The following FLNB variants were observed in gnomAD, a reference collection of about 807,000 sequenced individuals.
FLNB encodes filamin-B.
Under a neutral mutation model 250.6 loss-of-function variants are expected in FLNB, and 111 were observed. That is an observed-to-expected ratio of 0.44 (90% CI 0.38 to 0.52). FLNB has a LOEUF of 0.52. FLNB is among the 20% of genes least tolerant of loss of function. FLNB has a pLI of 0.00. For synonymous variants in FLNB, 1,302 were observed against 1,372.1 expected, an observed-to-expected ratio of 0.95 and a Z score of 1.13; for missense variants, 2,869 against 3,447.8, an observed-to-expected ratio of 0.83 and a Z score of 4.20.
intron 1 of FLNB, among the ~76,000 whole-genome samples, chr3:58,027,256 G>A (rs2097124743): frequency 6.6e-6 from 1 of 151,882 alleles, no homozygotes. Context: ...AGGTTCAAGG[G>A]ATTCTCCTGC....
intron 28 of FLNB, among the ~76,000 whole-genome samples, chr3:58,137,414 C>T (rs527839179): frequency 5.3e-5 from 8 of 152,340 alleles, no homozygotes; most frequent in Admixed American, 5.2e-4. Flanking sequence ...GCCCTATTTC[C>T]TCCCCCAGCT....
At chr3:58,066,669 G>A (rs1414953935) in intron 1 of FLNB, among the ~76,000 whole-genome samples, 1 of 152,164 alleles carries the variant, frequency 6.6e-6, no homozygotes, top group African/African-American at 2.4e-5. Flanking sequence ...ATTTAGTCCA[G>A]TGTGGCTTTG....
rs2097292186 is a variant in FLNB at position 58,123,347 on chromosome 3, T to C, written c.3381T>C (p.Ile1127=). The C allele has an allele frequency of 2.5e-6, 4 of 1,614,072 alleles. No individual in the cohort carries two copies. The highest frequency in any genetic ancestry group is 3.4e-6 in the Non-Finnish European group (4 of 1,180,018). Residue 1127 remains isoleucine, a synonymous_variant, in exon 21 of 46, where the codon ATT becomes ATC. Transcript: ENST00000295956. ...CTGGGTCTCCCTTCAAAGCTGACAT[T>C]GAAATGCCCTTTGACCCCTCTAAAG... is the stretch of plus-strand genomic sequence containing the variant. ...HIPGSPFKAD[I]EMPFDPSKVV... is the part of the protein sequence containing the mutation.
chr3:58,159,430 C>T (rs1437448884), intron 41 of FLNB, 124 bp from the exon 42 acceptor site: 2 of 963,172 alleles, frequency 2.1e-6, no homozygotes, highest in African/African-American at 1.6e-5. Flanking sequence ...CCTTTGTTGT[C>T]ATATGTTATA....
intron 15 of FLNB, 89 bp from the exon 16 acceptor site, chr3:58,109,921 C>T (rs1001611181): frequency 6.5e-7 from 1 of 1,549,162 alleles, no homozygotes; most frequent in Non-Finnish European, 8.9e-7. Flanking sequence ...TTCCCAATTG[C>T]TTTTTGAGGG....
At chr3:58,066,059 C>T (rs1282932146) in intron 1 of FLNB, among the ~76,000 whole-genome samples, 1 of 152,134 alleles carries the variant, frequency 6.6e-6, no homozygotes, top group Admixed American at 6.5e-5. Flanking sequence ...CTTGAACTGT[C>T]AGTTGTCCAG....
intron 11 of FLNB, 46 bp from the exon 12 acceptor site, chr3:58,106,634 C>G (rs1013779685): frequency 1.5e-5 from 23 of 1,569,282 alleles, no homozygotes; most frequent in Non-Finnish European, 1.9e-5. Flanking sequence ...AGAATAGGTG[C>G]TTTCCACCAT....
At chr3:58,037,573 G>A (rs1259383517) in intron 1 of FLNB, among the ~76,000 whole-genome samples, 7 of 152,006 alleles carry the variant, frequency 4.6e-5, no homozygotes, top group South Asian at 2.1e-4. Flanking sequence ...AAGTCCTCTC[G>A]AAAGCCCCCA....
rs776041549 is a variant in FLNB at position 58,169,751 on chromosome 3, G to A, written c.7579G>A (p.Val2527Met). The A allele has an allele frequency of 1.1e-5, 17 of 1,613,346 alleles. No homozygotes were observed. The highest frequency in any genetic ancestry group is 1.4e-5 in the Non-Finnish European group (17 of 1,179,518). Residue 2527 changes from valine (V) to methionine (M), a missense_variant, in exon 45 of 46, where the codon GTG (valine) becomes ATG (methionine). By Grantham distance (21) the Val-to-Met change is conservative. Around this residue, in one of 5 missense-constraint regions of FLNB, gnomAD observed 1,084 missense variants for 1,315.5 expected, o/e 0.82. Transcript: ENST00000295956. This position sits in a 1 kb window ranked among gnomAD's most constrained non-coding sequence, Gnocchi z 4.8. ...GGGGGCAGGGCTCTCAAAGGCCTTTGTGGGCCAGAAGAGTTCCTTCCTGGT... is the reference window on the plus strand; with the variant it reads ...GGGGGCAGGGCTCTCAAAGGCCTTTATGGGCCAGAAGAGTTCCTTCCTGGT... Reference protein sequence around the residue: ...SKGAGLSKAFVGQKSSFLVDC... With the variant: ...SKGAGLSKAFMGQKSSFLVDC...
intron 1 of FLNB, among the ~76,000 whole-genome samples, chr3:58,051,109 G>A (rs1357192454): frequency 6.6e-6 from 1 of 152,208 alleles, no homozygotes; most frequent in East Asian, 1.9e-4. Flanking sequence ...ACTGTAAAAT[G>A]GATATGCCAT....
intron 4 of FLNB, among the ~76,000 whole-genome samples, chr3:58,092,316 G>A (rs2097229344): frequency 6.6e-6 from 1 of 152,146 alleles, no homozygotes. Context: ...GTAAAATGGT[G>A]TAGCTACTTT....
At position 58,145,956 on chromosome 3, in the gene FLNB, A is replaced by G; in HGVS notation, c.5461A>G (p.Ser1821Gly). The G allele has an allele frequency of 6.2e-7, 1 of 1,614,204 alleles. No individual in the cohort carries two copies. The highest frequency in any genetic ancestry group is 8.5e-7 in the Non-Finnish European group (1 of 1,180,012). Reference sequence around the variant, plus strand: ...CCAGTTCTACGTGAACTACCCCAACAGTGGAAGTGTTTCTGCATACGGTCC... The same window carrying G: ...CCAGTTCTACGTGAACTACCCCAACGGTGGAAGTGTTTCTGCATACGGTCC... ...PLQFYVNYPN[S>G]GSVSAYGPGL... Residue 1821 changes from serine (S) to glycine (G), a missense_variant, in exon 33 of 46, where the codon AGT becomes GGT. Around this residue, in one of 5 missense-constraint regions of FLNB, gnomAD observed 1,084 missense variants for 1,315.5 expected, o/e 0.82. Transcript: ENST00000295956.
In FLNB at chr3:58,098,954, G is replaced by T. The variant is rs775181489; in HGVS notation, c.1345+46G>T. ...CACATGTGCTTCTCATAGGGAAGCT[G>T]ACTGCACAGCTGGGCAGGGAGGCCA... On this transcript the variant is annotated intron_variant, in intron 8 of 45. Coordinates refer to ENST00000295956, the MANE Select transcript of FLNB (RefSeq NM_001457.4). The T allele has an allele frequency of 2.2e-5, 33 of 1,532,974 alleles. No homozygotes were observed. In the Admixed American group the frequency reaches 4.2e-4, roughly 19 times the overall value. 95.0% of individuals were successfully genotyped at this position (1,532,974 alleles called of 1,614,324 possible). A position where few individuals can be genotyped will look rare whatever the true frequency, so the allele number is the denominator to read the frequency against.
rs140000723 is a variant in FLNB at position 58,025,697 on chromosome 3, G to A, written c.292+16841G>A. 4.0e-4 allele frequency among the ~76,000 whole-genome samples: 61 copies of A among 152,316 alleles called. 1 individual carries two copies. In the East Asian group the frequency reaches 6.6e-3, roughly 16 times the overall value. The stretch of plus-strand genomic sequence containing the variant: ...CTCATGCACTTCAGGGGGCTGAGGC[G>A]TGCAGATCACTTGAGGCCAGGAGTT... On this transcript the variant is annotated intron_variant, in intron 1 of 45. Coordinates refer to ENST00000295956, the MANE Select transcript of FLNB (RefSeq NM_001457.4).
chr3:58,143,442 C>A, intron 31 of FLNB, 31 bp from the exon 32 acceptor site: 1 of 1,613,752 alleles, frequency 6.2e-7, no homozygotes. Flanking sequence ...TGCTGGTGGG[C>A]TTCATTGCCC....
intron 4 of FLNB, among the ~76,000 whole-genome samples, chr3:58,093,569 T>G (rs1391306678): frequency 6.6e-6 from 1 of 152,130 alleles, no homozygotes; most frequent in Non-Finnish European, 1.5e-5. Context: ...CCAAGGGGTT[T>G]AGGAACTCTG....
At chr3:58,157,713 G>T (rs9835147) in intron 41 of FLNB, among the ~76,000 whole-genome samples, 50,568 of 152,074 alleles carry the variant, frequency 0.33, 8,846 homozygotes, top group Non-Finnish European at 0.38. Context: ...TTTCAAATCT[G>T]CCGAGGCATT....
chr3:58,031,543 C>CTTTTTTTTT (rs764190111), intron 1 of FLNB, among the ~76,000 whole-genome samples: 2 of 77,144 alleles, frequency 2.6e-5, no homozygotes, highest in South Asian at 7.0e-4. Flanking sequence ...CGTGCCCTGC[C>CTTTTTTTTT]TTTTTTTTTT....
At chr3:58,129,819 G>T (rs1217676579) in intron 24 of FLNB, among the ~76,000 whole-genome samples, 1 of 152,222 alleles carries the variant, frequency 6.6e-6, no homozygotes, top group Non-Finnish European at 1.5e-5. Flanking sequence ...GGTGATGGGC[G>T]TGGTAGCCTG....
Sources: allele counts gnomAD v4.1 joint callset (sites outside exome capture counted in the v4.1 genomes callset), GRCh38; gene constraint gnomAD v4.1.1; regional missense constraint gnomAD v4.1.1; non-coding constraint Gnocchi (gnomAD v3.1); transcripts MANE v1.5; gene names NCBI Gene and HGNC (gene_info 2026-07-23, HGNC 2026-07-21).